Variants in HS2ST1 observed in about 807,000 individuals in gnomAD.
HS2ST1 encodes the protein heparan sulfate 2-O-sulfotransferase 1, also known as 2-O-sulfotransferase.
Under a neutral mutation model 42.9 loss-of-function variants are expected in HS2ST1, and 18 were observed. The observed-to-expected ratio is 0.42, with a 90% CI of 0.29 to 0.62. The LOEUF (loss-of-function observed/expected upper bound fraction) is 0.62, where lower values mean the gene tolerates loss of function less well. HS2ST1 is among the 20% of genes least tolerant of loss of function. HS2ST1 has a pLI of 0.21. For missense variants in HS2ST1, 334 were observed against 433.8 expected (o/e 0.77, Z 2.04); for synonymous variants, 146 against 152.9 (o/e 0.95, Z 0.33).
intron 1 of HS2ST1, among the ~76,000 whole-genome samples, chr1:87,068,987 C>T (rs1235583833): frequency 2.0e-5 from 3 of 152,102 alleles, no homozygotes; most frequent in East Asian, 3.9e-4. Context: ...TGCACGCCAC[C>T]AGGCCAGGCT....
At chr1:86,937,294 C>A (rs1186239113) in intron 1 of HS2ST1, among the ~76,000 whole-genome samples, 1 of 152,036 alleles carries the variant, frequency 6.6e-6, no homozygotes, top group African/African-American at 2.4e-5. Context: ...TAAGTATAGC[C>A]CCTATTGAGA....
intron 1 of HS2ST1, among the ~76,000 whole-genome samples, chr1:87,002,512 C>T (rs1285595749): frequency 6.6e-6 from 1 of 151,508 alleles, no homozygotes; most frequent in African/African-American, 2.4e-5. Context: ...GGAGGATCAC[C>T]CAAGCCTGGG....
chr1:87,068,730 C>G (rs1048035078), intron 1 of HS2ST1, among the ~76,000 whole-genome samples: 1 of 152,192 alleles, frequency 6.6e-6, no homozygotes, highest in South Asian at 2.1e-4. Flanking sequence ...TTGATTAACA[C>G]ATATTGTATA....
At chr1:86,957,862 T>C (rs1647717879) in intron 1 of HS2ST1, among the ~76,000 whole-genome samples, 1 of 151,328 alleles carries the variant, frequency 6.6e-6, no homozygotes, top group Non-Finnish European at 1.5e-5. Flanking sequence ...TGGTGTGCTC[T>C]CAGCTCACTG....
In HS2ST1 at chr1:87,045,652, A is replaced by G. The variant is rs190631259; in HGVS notation, c.125-27282A>G. On this transcript the variant is annotated intron_variant, in intron 1 of 6. Coordinates refer to ENST00000370550, the MANE Select transcript of HS2ST1 (RefSeq NM_012262.4). ...CCTGATAAGATCTTCAATCTTTCCA[A>G]TACTGTCAACCCAGCAATCACTGCA... 1.5e-3 allele frequency: 1,185 copies of G among 774,966 alleles called. 7 individuals are homozygous for G. Among genetic ancestry groups the G allele is most frequent in the South Asian group, 6.2e-3 (463 of 74,332 alleles). 48.0% of individuals were successfully genotyped at this position (774,966 alleles called of 1,614,324 possible).
At chr1:87,087,705 TC>T (rs1180090848) in intron 3 of HS2ST1, among the ~76,000 whole-genome samples, 1 of 152,164 alleles carries the variant, frequency 6.6e-6, no homozygotes, top group Admixed American at 6.6e-5. Context: ...TGCCCCATTT[TC>T]TACAACTTTT....
chr1:86,954,529 C>T (rs1257404176), intron 1 of HS2ST1, among the ~76,000 whole-genome samples: 1 of 152,162 alleles, frequency 6.6e-6, no homozygotes, highest in Non-Finnish European at 1.5e-5. Flanking sequence ...TTTAATTATA[C>T]ATTGTTCAAC....
intron 1 of HS2ST1, among the ~76,000 whole-genome samples, chr1:86,966,759 A>G (rs192372466): frequency 6.6e-6 from 1 of 152,222 alleles, no homozygotes; most frequent in Non-Finnish European, 1.5e-5. Flanking sequence ...CATCTTTTTA[A>G]TAATGCTTTT....
intron 1 of HS2ST1, among the ~76,000 whole-genome samples, chr1:87,002,625 A>G (rs1183627248): frequency 6.8e-6 from 1 of 147,712 alleles, no homozygotes; most frequent in African/African-American, 2.7e-5. Context: ...AAAAAAAAAG[A>G]AAAAGAAAAA....
chr1:87,049,686 GGTCT>G, intron 1 of HS2ST1, among the ~76,000 whole-genome samples: 1 of 152,060 alleles, frequency 6.6e-6, no homozygotes. Context: ...CTGAGAATAT[GGTCT>G]GTCTTATCAA....
chr1:86,987,501 A>G (rs1648822809), intron 1 of HS2ST1, among the ~76,000 whole-genome samples: 1 of 152,216 alleles, frequency 6.6e-6, no homozygotes, highest in Non-Finnish European at 1.5e-5. Flanking sequence ...TCTCAAAACC[A>G]TACTGCAGAA....
intron 1 of HS2ST1, among the ~76,000 whole-genome samples, chr1:87,000,915 T>C (rs192936927): frequency 5.9e-5 from 9 of 152,300 alleles, no homozygotes; most frequent in Non-Finnish European, 1.2e-4. Flanking sequence ...TCTAGAGATA[T>C]TTAAGATACC....
At chr1:86,940,440 C>A (rs1354510487) in intron 1 of HS2ST1, among the ~76,000 whole-genome samples, 2 of 152,048 alleles carry the variant, frequency 1.3e-5, no homozygotes, top group Non-Finnish European at 2.9e-5. Context: ...AAAAAAGATT[C>A]ATCATTTGAA....
chr1:86,964,646 GGGGAGA>G (rs956983713), intron 1 of HS2ST1, among the ~76,000 whole-genome samples: 5 of 152,190 alleles, frequency 3.3e-5, no homozygotes, highest in Middle Eastern at 3.2e-3. Flanking sequence ...GGGAGACCGT[GGGGAGA>G]GGGAGAGGGA....
At chr1:86,987,833 G>C (rs539514028) in intron 1 of HS2ST1, among the ~76,000 whole-genome samples, 14 of 152,306 alleles carry the variant, frequency 9.2e-5, no homozygotes, top group African/African-American at 3.4e-4. Context: ...ACCATTCAAA[G>C]AAACCAACCA....
chr1:86,935,306 G>T (rs963128579), intron 1 of HS2ST1, among the ~76,000 whole-genome samples: 4 of 151,594 alleles, frequency 2.6e-5, no homozygotes, highest in African/African-American at 9.7e-5. Context: ...TTAAAAAAAA[G>T]AAGTAGAATT....
At chr1:87,032,425 A>G (rs1650263821) in intron 1 of HS2ST1, among the ~76,000 whole-genome samples, 1 of 152,186 alleles carries the variant, frequency 6.6e-6, no homozygotes, top group African/African-American at 2.4e-5. Flanking sequence ...AGACCTGAAT[A>G]TTATACTGCT....
chr1:87,027,553 G>A (rs888317708), intron 1 of HS2ST1, among the ~76,000 whole-genome samples: 1 of 152,044 alleles, frequency 6.6e-6, no homozygotes, highest in African/African-American at 2.4e-5. Context: ...CTGGGAAAAT[G>A]AAAATAAAAA....
chr1:87,013,551 G>T (rs930755016), intron 1 of HS2ST1, among the ~76,000 whole-genome samples: 4 of 152,234 alleles, frequency 2.6e-5, no homozygotes, highest in African/African-American at 9.6e-5. Context: ...GACATGTCAT[G>T]CCCTGGAGAC....
Sources: allele counts gnomAD v4.1 joint callset (sites outside exome capture counted in the v4.1 genomes callset), GRCh38; gene constraint gnomAD v4.1.1; transcripts MANE v1.5; gene names NCBI Gene and HGNC (gene_info 2026-07-23, HGNC 2026-07-21).